CDC27: variants seen among roughly 807,000 people sequenced by gnomAD.
CDC27 encodes the protein cell division cycle 27, also known as cell division cycle protein 27 homolog.
CDC27 carries 27 observed loss-of-function variants against 109.7 expected under a neutral mutation model. The ratio of observed to expected loss-of-function variants is 0.25; its 90% CI spans 0.18 to 0.34. The LOEUF (loss-of-function observed/expected upper bound fraction) is 0.34. Among genes scored for constraint, CDC27 ranks in the 10% least tolerant of loss-of-function variants. The probability of loss-of-function intolerance (pLI) is 1.00; values close to 1 mark genes in which losing one functional copy is unlikely to be tolerated. For synonymous variants in CDC27, 266 were observed against 333.9 expected (o/e 0.80, Z 2.22); for missense variants, 579 against 960.2 (o/e 0.60, Z 5.25).
chr17:47,160,569 G>A (rs2063469915), intron 4 of CDC27, among the ~76,000 whole-genome samples: 1 of 152,120 alleles, frequency 6.6e-6, no homozygotes, highest in Admixed American at 6.5e-5. Flanking sequence ...AGGGGTTAGT[G>A]GCTAGTGAGA....
Position 47,137,197 on chromosome 17 carries a change from C to G in CDC27, c.1868G>C (p.Cys623Ser), listed in dbSNP as rs2062638451. The G allele has an allele frequency of 3.7e-6, 6 of 1,610,082 alleles. No individual in the cohort carries two copies. Among genetic ancestry groups the G allele is most frequent in the Non-Finnish European group, 5.1e-6 (6 of 1,178,858 alleles). ...LTEELDKALACFRNAIRVNPR... is the reference protein window; with the variant it reads ...LTEELDKALASFRNAIRVNPR... ...ATTGACTCTGATAGCATTTCGAAAA[C>G]AAGCTAATGCTTTGTCCAATTCTTC... The change falls in exon 14 of 19, where the codon TGT becomes TCT. Residue 623 changes from cysteine (C) to serine (S), a missense_variant. This residue lies in a region of CDC27 where 227 missense variants were observed against 363.6 expected (regional missense o/e 0.62). Coordinates refer to ENST00000066544, the MANE Select transcript of CDC27 (RefSeq NM_001256.6).
intron 4 of CDC27, among the ~76,000 whole-genome samples, chr17:47,168,299 C>T (rs2063710702): frequency 6.6e-6 from 1 of 152,142 alleles, no homozygotes; most frequent in African/African-American, 2.4e-5. Flanking sequence ...CTGCCAGTCC[C>T]CATCCTGAAG....
Position 47,132,261 on chromosome 17 carries a change from C to A in CDC27, c.2027G>T (p.Gly676Val). 1 of 1,499,494 alleles carries A rather than the reference C, an allele frequency of 6.7e-7. No homozygotes were observed. Among genetic ancestry groups the A allele is most frequent in the Non-Finnish European group, 9.2e-7 (1 of 1,085,162 alleles). The allele number at this position is 1,499,494 out of a possible 1,614,324, so 92.9% of individuals were successfully genotyped here. A position where few individuals can be genotyped will look rare whatever the true frequency, so the allele number is the denominator to read the frequency against. The change falls in exon 15 of 19, where the codon GGA becomes GTA. Residue 676 changes from glycine (G) to valine (V), a missense_variant. Gly to Val is a moderately radical substitution (Grantham distance 109). This residue lies in a region of CDC27 where 227 missense variants were observed against 363.6 expected (regional missense o/e 0.62). Transcript: ENST00000066544. ...PQSSVLLCHI[G>V]VVQHALKKSE... is the part of the protein sequence containing the mutation. ...AATGTTTAGAAAGCTACTTACTACT[C>A]CAATGTGGCAAAGTAAAACTGAACT...
intron 9 of CDC27, among the ~76,000 whole-genome samples, chr17:47,148,055 G>C (rs770215962): frequency 6.6e-6 from 1 of 150,850 alleles, no homozygotes. Context: ...AAAATTAGCA[G>C]GGCGCAGTGG....
At chr17:47,124,262 T>TCTATCTAG (rs1203927537) in intron 16 of CDC27, among the ~76,000 whole-genome samples, 2 of 151,374 alleles carry the variant, frequency 1.3e-5, no homozygotes, top group African/African-American at 4.9e-5. Flanking sequence ...TGGTCATCTA[T>TCTATCTAG]CTATCTATCT....
At chr17:47,175,236 A>C (rs1244910342) in intron 2 of CDC27, among the ~76,000 whole-genome samples, 1 of 152,240 alleles carries the variant, frequency 6.6e-6, no homozygotes, top group Non-Finnish European at 1.5e-5. Flanking sequence ...TACATCAAAC[A>C]GAAAGGTAAA....
At chr17:47,174,726 C>T (rs1393849124) in intron 2 of CDC27, among the ~76,000 whole-genome samples, 2 of 152,058 alleles carry the variant, frequency 1.3e-5, no homozygotes, top group East Asian at 3.9e-4. Flanking sequence ...GAGGCCGAGG[C>T]AGGTGGATCA....
chr17:47,128,085 C>A (rs1193542735), intron 16 of CDC27, among the ~76,000 whole-genome samples: 1 of 152,110 alleles, frequency 6.6e-6, no homozygotes, highest in East Asian at 1.9e-4. Context: ...GGCTGGAATG[C>A]AGTGGCGTAA....
chr17:47,142,674 C>A (rs1212459591), intron 10 of CDC27, among the ~76,000 whole-genome samples: 1 of 151,860 alleles, frequency 6.6e-6, no homozygotes, highest in African/African-American at 2.4e-5. Context: ...TAAGTGTAGC[C>A]CTCTTGTGAA....
At chr17:47,152,037 C>T in intron 8 of CDC27, 119 bp from the exon 9 acceptor site, 1 of 730,558 alleles carries the variant, frequency 1.4e-6, no homozygotes, top group Non-Finnish European at 2.0e-6. Context: ...ATACTGTCAC[C>T]TTAAAGATAA....
intron 2 of CDC27, among the ~76,000 whole-genome samples, chr17:47,175,923 T>C (rs929293354): frequency 1.3e-5 from 2 of 152,194 alleles, no homozygotes; most frequent in Non-Finnish European, 1.5e-5. Flanking sequence ...ACTGCTTGGG[T>C]TCAGATTCTG....
chr17:47,156,827 T>C (rs1598501285), intron 7 of CDC27, 86 bp downstream of exon 7: 3 of 478,044 alleles, frequency 6.3e-6, no homozygotes, highest in East Asian at 6.4e-5. Context: ...AAGTTGCTGT[T>C]GTAATAATCT....
At chr17:47,150,055 T>C (rs1419948972) in intron 9 of CDC27, among the ~76,000 whole-genome samples, 1 of 152,106 alleles carries the variant, frequency 6.6e-6, no homozygotes, top group East Asian at 1.9e-4. Context: ...TTATAACATA[T>C]ATAGAAATTA....
chr17:47,180,814 C>A (rs1458007072), intron 2 of CDC27, among the ~76,000 whole-genome samples: 1 of 151,742 alleles, frequency 6.6e-6, no homozygotes, highest in Non-Finnish European at 1.5e-5. Flanking sequence ...GATGAAATAT[C>A]TGAATTTTCA....
intron 2 of CDC27, among the ~76,000 whole-genome samples, chr17:47,180,181 A>C (rs2064168462): frequency 6.6e-6 from 1 of 152,214 alleles, no homozygotes; most frequent in South Asian, 2.1e-4. Context: ...GGTATCAATG[A>C]AAATATTTTT....
chr17:47,145,473 C>G (rs1300388053), intron 9 of CDC27, among the ~76,000 whole-genome samples: 1 of 152,140 alleles, frequency 6.6e-6, no homozygotes, highest in Non-Finnish European at 1.5e-5. Flanking sequence ...CTCCTGAGAT[C>G]TACTAAGTCC....
In CDC27 at chr17:47,122,581, T is replaced by C; in HGVS notation, c.2255A>G (p.Gln752Arg). 1 of 1,591,804 alleles carries C rather than the reference T, an allele frequency of 6.3e-7. No individual in the cohort carries two copies. The highest frequency in any genetic ancestry group is 8.5e-7 in the Non-Finnish European group (1 of 1,169,612). Residue 752 changes from glutamine to arginine, a missense_variant, in exon 18 of 19, where the codon CAA becomes CGA. Physicochemically the swap from Gln to Arg is conservative, Grantham distance 43. Transcript: ENST00000066544. Reference protein sequence around the residue: ...LIGKVYKKLGQTHLALMNFSW... With the variant: ...LIGKVYKKLGRTHLALMNFSW... Reference sequence around the variant, plus strand: ...GAAATTCATCAGGGCGAGGTGCGTTTGACCTAACTTCTTGTAAACCTAAAA... The same window carrying C: ...GAAATTCATCAGGGCGAGGTGCGTTCGACCTAACTTCTTGTAAACCTAAAA...
chr17:47,186,254 T>C (rs760091347), intron 1 of CDC27, among the ~76,000 whole-genome samples: 8 of 152,238 alleles, frequency 5.3e-5, no homozygotes, highest in Non-Finnish European at 7.3e-5. Context: ...AAATTTCTCA[T>C]TGAGTAGCCA....
Position 47,158,219 on chromosome 17 carries a change from T to C in CDC27, c.462A>G (p.Ser154=). The part of the protein sequence containing the change: ...LNPFLWSPFE[S]LCEIGEKPDP... ...CCACCCACCTACCTATTTCACATAA[T>C]GATTCAAAGGGAGACCAGAGGAAAG... Residue 154 remains serine, a synonymous_variant, in exon 5 of 19, where the codon TCA becomes TCG. Coordinates refer to ENST00000066544, the MANE Select transcript of CDC27 (RefSeq NM_001256.6). 1 of 1,526,848 alleles carries C rather than the reference T, an allele frequency of 6.5e-7. No individual in the cohort carries two copies. Among genetic ancestry groups the C allele is most frequent in the Non-Finnish European group, 8.9e-7 (1 of 1,126,318 alleles). The allele number at this position is 1,526,848 out of a possible 1,614,324, so 94.6% of individuals were successfully genotyped here. A position where few individuals can be genotyped will look rare whatever the true frequency, so the allele number is the denominator to read the frequency against.
Sources: allele counts gnomAD v4.1 joint callset (sites outside exome capture counted in the v4.1 genomes callset), GRCh38; gene constraint gnomAD v4.1.1; regional missense constraint gnomAD v4.1.1; transcripts MANE v1.5; gene names NCBI Gene and HGNC (gene_info 2026-07-23, HGNC 2026-07-21).